KLHL32: variants seen among roughly 807,000 people sequenced by gnomAD.
KLHL32 encodes the protein kelch-like protein 32.
In KLHL32, 35 loss-of-function variants were observed where a neutral mutation model predicts 64.8. The ratio of observed to expected loss-of-function variants is 0.54; its 90% CI spans 0.41 to 0.72. The LOEUF (loss-of-function observed/expected upper bound fraction) is 0.72. Among genes scored for constraint, KLHL32 ranks in the 30% least tolerant of loss-of-function variants. KLHL32 has a pLI of 0.00. For missense variants in KLHL32, 589 were observed against 768.5 expected, an observed-to-expected ratio of 0.77 and a Z score of 2.76; for synonymous variants, 259 against 281.0, an observed-to-expected ratio of 0.92 and a Z score of 0.78.
intron 3 of KLHL32, among the ~76,000 whole-genome samples, chr6:96,978,541 C>T (rs1319752198): frequency 5.3e-5 from 8 of 152,092 alleles, no homozygotes; most frequent in African/African-American, 1.9e-4. Flanking sequence ...ATCCTGTCTA[C>T]CACTGATGGT....
At position 97,140,527 on chromosome 6, in the gene KLHL32, A is replaced by AACTT. The variant is rs1356378907; in HGVS notation, c.*1247_*1250dup. The AACTT allele has an allele frequency of 1.3e-5, 2 of 152,082 alleles. No individual in the cohort carries two copies. Among genetic ancestry groups the AACTT allele is most frequent in the Non-Finnish European group, 2.9e-5 (2 of 67,918 alleles). The allele number at this position is 152,082 out of a possible 1,614,324, so 9.4% of individuals were successfully genotyped here. A position where few individuals can be genotyped will look rare whatever the true frequency, so the allele number is the denominator to read the frequency against. On this transcript the variant is annotated 3_prime_UTR_variant, in exon 11 of 11. Transcript: ENST00000369261. ...GTCTATAACAAAAAATAAATACAACAACTTAATAATCACATTTGAAAACAA... is the reference window on the plus strand; with the variant it reads ...GTCTATAACAAAAAATAAATACAACAACTTACTTAATAATCACATTTGAAAACAA...
chr6:96,962,206 A>G (rs1027252123), intron 1 of KLHL32, among the ~76,000 whole-genome samples: 2 of 152,204 alleles, frequency 1.3e-5, no homozygotes, highest in African/African-American at 2.4e-5. Context: ...AAAAAACCCA[A>G]GTGAGACTCT....
chr6:96,962,094 C>T (rs776779694), intron 1 of KLHL32, among the ~76,000 whole-genome samples: 2 of 152,098 alleles, frequency 1.3e-5, no homozygotes, highest in African/African-American at 2.4e-5. Context: ...TAAAAGCTAG[C>T]CAGCTAGTTT....
At chr6:97,055,283 T>C (rs1787614112) in intron 4 of KLHL32, among the ~76,000 whole-genome samples, 1 of 152,182 alleles carries the variant, frequency 6.6e-6, no homozygotes, top group African/African-American at 2.4e-5. Context: ...ATCTTCATCA[T>C]CTTACCATCA....
chr6:97,026,049 G>A (rs1183714989), intron 3 of KLHL32, among the ~76,000 whole-genome samples: 1 of 151,752 alleles, frequency 6.6e-6, no homozygotes, highest in Non-Finnish European at 1.5e-5. Flanking sequence ...ATCAAGATGG[G>A]TAATATGTAA....
At chr6:96,915,041 G>T in the KLHL32 span, 1 of 152,094 alleles carries the variant, frequency 6.6e-6, no homozygotes, top group African/African-American at 2.4e-5. Context: ...CATTAAGAAG[G>T]TCAACCCTCC....
rs144587464 is a variant in KLHL32 at position 96,973,869 on chromosome 6, G to A, written c.24-2128G>A. On this transcript the variant is annotated intron_variant, in intron 2 of 10. Transcript: ENST00000369261. Reference sequence around the variant, plus strand: ...TCCTGAGTCGCTGGGATTAAGGTGCGCGCCACCATGCCTGGCTAATTTTTG... The same window carrying A: ...TCCTGAGTCGCTGGGATTAAGGTGCACGCCACCATGCCTGGCTAATTTTTG... Among the ~76,000 whole-genome samples, 178 of 151,700 alleles carry A rather than the reference G, an allele frequency of 1.2e-3. 1 individual carries two copies. In the East Asian group the frequency reaches 0.03, roughly 25 times the overall value.
intron 4 of KLHL32, among the ~76,000 whole-genome samples, chr6:97,041,901 A>G (rs1785178134): frequency 6.6e-6 from 1 of 152,060 alleles, no homozygotes; most frequent in African/African-American, 2.4e-5. Context: ...ATGGATTCTC[A>G]TTGTTATCAC....
rs1798992061 is a variant in KLHL32, at chr6:97,127,463, G to C, written c.1413+1G>C. ...GCTAATGGTGTATGAACCTAACCAG[G>C]TAAGAATCATGTAAGAACACCTCAT... is the stretch of plus-strand genomic sequence containing the variant. On this transcript the variant is annotated splice_donor_variant, in intron 8 of 10. Transcript: ENST00000369261. LOFTEE classifies it high-confidence loss of function. 1 of 1,610,206 alleles carries C rather than the reference G, an allele frequency of 6.2e-7. No individual in the cohort carries two copies. The highest frequency in any genetic ancestry group is 2.2e-5 in the East Asian group (1 of 44,822).
chr6:97,071,920 AT>A (rs1465027952), intron 5 of KLHL32, among the ~76,000 whole-genome samples: 1 of 152,116 alleles, frequency 6.6e-6, no homozygotes, highest in African/African-American at 2.4e-5. Flanking sequence ...CCACAAAACA[AT>A]TTCTTTCCCT....
chr6:96,943,751 G>T (rs1432819976), intron 1 of KLHL32, among the ~76,000 whole-genome samples: 1 of 152,144 alleles, frequency 6.6e-6, no homozygotes, highest in Non-Finnish European at 1.5e-5. Flanking sequence ...CGAGCTTCCT[G>T]CTTTTTTCTT....
chr6:97,107,777 GATAA>G (rs968240345), intron 6 of KLHL32, among the ~76,000 whole-genome samples: 1 of 152,178 alleles, frequency 6.6e-6, no homozygotes, highest in African/African-American at 2.4e-5. Context: ...GCCTGTGATA[GATAA>G]ATAAATATGT....
intron 3 of KLHL32, among the ~76,000 whole-genome samples, chr6:97,014,638 C>T (rs1486981705): frequency 6.6e-6 from 1 of 152,146 alleles, no homozygotes; most frequent in Non-Finnish European, 1.5e-5. Flanking sequence ...TGCATTTTGT[C>T]ACTGTCCATG....
chr6:97,033,360 C>G (rs892896544), intron 3 of KLHL32, among the ~76,000 whole-genome samples: 1 of 152,040 alleles, frequency 6.6e-6, no homozygotes, highest in African/African-American at 2.4e-5. Context: ...GGATTTTCTT[C>G]TTTTTTAAGG....
At chr6:97,128,486 T>C (rs1348311498) in intron 8 of KLHL32, among the ~76,000 whole-genome samples, 1 of 152,226 alleles carries the variant, frequency 6.6e-6, no homozygotes, top group Non-Finnish European at 1.5e-5. Flanking sequence ...TGTACACACA[T>C]GCTCTTTTAA....
chr6:97,023,451 T>C (rs562081008), intron 3 of KLHL32, among the ~76,000 whole-genome samples: 16 of 152,182 alleles, frequency 1.1e-4, no homozygotes, highest in Non-Finnish European at 2.2e-4. Flanking sequence ...ACTAAATATA[T>C]ATTTTTTGTT....
intron 4 of KLHL32, among the ~76,000 whole-genome samples, chr6:97,042,998 T>C (rs1785361293): frequency 6.6e-6 from 1 of 152,348 alleles, no homozygotes; most frequent in African/African-American, 2.4e-5. Context: ...GGCTGGCACC[T>C]CCTTCCCACT....
chr6:97,048,202 T>G (rs894704081), intron 4 of KLHL32, among the ~76,000 whole-genome samples: 3 of 152,086 alleles, frequency 2.0e-5, no homozygotes, highest in Non-Finnish European at 4.4e-5. Context: ...CCTTTACAAT[T>G]CTCCACTTCC....
At chr6:97,108,700 T>C (rs1796729868) in intron 6 of KLHL32, among the ~76,000 whole-genome samples, 1 of 152,260 alleles carries the variant, frequency 6.6e-6, no homozygotes, top group Non-Finnish European at 1.5e-5. Flanking sequence ...TTTATGTGTT[T>C]ATTATTGCAA....
Sources: gnomAD v4.1 joint callset for allele counts (sites outside exome capture counted in the v4.1 genomes callset) on GRCh38, gnomAD v4.1.1 for gene constraint, MANE v1.5 for transcripts, NCBI Gene and HGNC (gene_info 2026-07-23, HGNC 2026-07-21) for gene names.